Variants in PRAG1 observed in about 807,000 individuals in gnomAD.
PRAG1 encodes the protein PEAK1 related, kinase-activating pseudokinase 1.
Under a neutral mutation model 95.6 loss-of-function variants are expected in PRAG1, and 110 were observed. That is an observed-to-expected ratio of 1.15 (90% CI 0.99 to 1.35). The LOEUF (loss-of-function observed/expected upper bound fraction) is 1.35, where lower values mean the gene tolerates loss of function less well. Ranked by LOEUF, PRAG1 falls within the 40% of genes most tolerant of loss-of-function variation. The pLI is 0.00. For missense variants in PRAG1, 2,554 were observed against 1,864.7 expected (o/e 1.37, Z -6.81); for synonymous variants, 1,052 against 819.4 (o/e 1.28, Z -4.85).
rs2921005 is a variant in PRAG1, at chr8:8,376,597, G to A, written c.1812C>T (p.Val604=). ...GACACCTGGATGGGTCACTGATAGC[G>A]ACACCGTTGGTCCGGCAGGAAGGAG... is the stretch of plus-strand genomic sequence containing the variant. The part of the protein sequence containing the change: ...DPAPSCRTNG[V]AISDPSRCPQ... Residue 604 remains valine (V), a synonymous_variant, in exon 3 of 6, where the codon GTC becomes GTT. Coordinates refer to ENST00000615670, the MANE Select transcript of PRAG1 (RefSeq NM_001080826.3). 0.066 allele frequency: 106,382 copies of A among 1,604,072 alleles called. 4,459 individuals are homozygous for A. Among genetic ancestry groups the A allele is most frequent in the South Asian group, 0.17 (15,299 of 89,730 alleles).
Position 8,377,662 on chromosome 8 carries a change from C to A in PRAG1, c.747G>T (p.Glu249Asp). Reference protein sequence around the residue: ...DQRCSPSGDSEGGEYCSILDC... With the variant: ...DQRCSPSGDSDGGEYCSILDC... The stretch of plus-strand genomic sequence containing the variant: ...CCAGGATGGAGCAGTACTCTCCACC[C>A]TCGCTGTCCCCGGAGGGCGAGCACC... Residue 249 changes from glutamate (E) to aspartate (D), a missense_variant, in exon 3 of 6, where the codon GAG becomes GAT. Glu to Asp is a conservative substitution (Grantham distance 45). Coordinates refer to ENST00000615670, the MANE Select transcript of PRAG1 (RefSeq NM_001080826.3). The A allele has an allele frequency of 1.2e-6, 2 of 1,613,834 alleles. No homozygotes were observed. The highest frequency in any genetic ancestry group is 1.7e-6 in the Non-Finnish European group (2 of 1,180,004).
At chr8:8,373,505 A>G (rs1463050356) in intron 3 of PRAG1, among the ~76,000 whole-genome samples, 2 of 145,782 alleles carry the variant, frequency 1.4e-5, no homozygotes, top group Non-Finnish European at 3.0e-5. Context: ...GCAGGAGTAC[A>G]GTGGCACAAT....
chr8:8,346,037 G>T (rs1213918874), intron 3 of PRAG1, among the ~76,000 whole-genome samples: 1 of 152,180 alleles, frequency 6.6e-6, no homozygotes, highest in Non-Finnish European at 1.5e-5. Context: ...AGAATCCCTG[G>T]AAAAGGCTTA....
At chr8:8,363,845 A>T (rs1585260952) in intron 3 of PRAG1, among the ~76,000 whole-genome samples, 1 of 152,330 alleles carries the variant, frequency 6.6e-6, no homozygotes, top group African/African-American at 2.4e-5. Context: ...TATATTAAGT[A>T]TATTGTGCTA....
intron 3 of PRAG1, among the ~76,000 whole-genome samples, chr8:8,363,986 C>A (rs946420583): frequency 1.3e-5 from 2 of 152,124 alleles, no homozygotes; most frequent in Admixed American, 1.3e-4. Flanking sequence ...ATTTTACTTA[C>A]CTATTTCTCT....
intron 3 of PRAG1, among the ~76,000 whole-genome samples, chr8:8,351,399 G>A (rs1799517696): frequency 1.3e-5 from 2 of 152,104 alleles, no homozygotes; most frequent in Admixed American, 6.6e-5. Context: ...GATTTAGGTG[G>A]GGACACAGAT....
Position 8,327,883 on chromosome 8 carries a change from C to G in PRAG1, c.2899G>C (p.Val967Leu), listed in dbSNP as rs1056541937. Residue 967 changes from valine (V) to leucine (L), a missense_variant, in exon 5 of 6, where the codon GTA becomes CTA. Physicochemically the swap from Val to Leu is conservative, Grantham distance 32. Transcript: ENST00000615670. ...ATGAAGAGGTCCTCACATTTGGCTA[C>G]AAGGCGGGCCAGGGACTGGGTGTAG... ...GLYTQSLARLVAKCEDLFMGG... is the reference protein window; with the variant it reads ...GLYTQSLARLLAKCEDLFMGG... The G allele has an allele frequency of 6.2e-7, 1 of 1,614,230 alleles. No individual in the cohort carries two copies. The highest frequency in any genetic ancestry group is 1.7e-5 in the Admixed American group (1 of 60,030).
rs1461025396 is a variant in PRAG1 at position 8,327,916 on chromosome 8, C to A, written c.2866G>T (p.Gly956Trp). 2 of 1,613,918 alleles carry A rather than the reference C, an allele frequency of 1.2e-6. No homozygotes were observed. The highest frequency in any genetic ancestry group is 1.7e-6 in the Non-Finnish European group (2 of 1,179,910). The stretch of plus-strand genomic sequence containing the variant: ...GCCAGGGACTGGGTGTAGAGTCCCC[C>A]CAGCTTGGCATAGGTGCCCTCCTTG... ...SSKEGTYAKL[G>W]GLYTQSLARL... The change falls in exon 5 of 6, where the codon GGG becomes TGG. Residue 956 changes from glycine to tryptophan, a missense_variant. Coordinates refer to ENST00000615670, the MANE Select transcript of PRAG1 (RefSeq NM_001080826.3).
chr8:8,342,475 A>G lies in PRAG1; in HGVS notation c.2163-2840T>C, dbSNP rs181183928. On this transcript the variant is annotated intron_variant, in intron 3 of 5. Transcript: ENST00000615670. ...CCTCCCAAAGTACTGGGATTACAGG[A>G]GTGAGCCACCGCGCCCGGCCTTATC... 3.1e-3 allele frequency among the ~76,000 whole-genome samples: 478 copies of G among 152,164 alleles called. 2 individuals carry two copies. Among genetic ancestry groups the G allele is most frequent in the Non-Finnish European group, 5.3e-3 (361 of 67,998 alleles).
chr8:8,318,103 G>C lies in PRAG1; in HGVS notation c.*51C>G, dbSNP rs375814682. 1.6e-5 allele frequency: 24 copies of C among 1,539,940 alleles called. No individual in the cohort carries two copies. Among genetic ancestry groups the C allele is most frequent in the Middle Eastern group, 2.0e-4 (1 of 4,910 alleles). ...ACATGGGTGCTTCCAAGGCGAGACA[G>C]GAAAGGGTTAGGCAGGGAAGGGGCA... is the stretch of plus-strand genomic sequence containing the variant. On this transcript the variant is annotated 3_prime_UTR_variant, in exon 6 of 6. Transcript: ENST00000615670. This position sits in a 1 kb window ranked among gnomAD's most constrained non-coding sequence, Gnocchi z 4.2.
rs761697039 is a variant in PRAG1, at chr8:8,376,532, G to A, written c.1877C>T (p.Pro626Leu). The A allele has an allele frequency of 3.7e-6, 6 of 1,609,868 alleles. No individual in the cohort carries two copies. Among genetic ancestry groups the A allele is most frequent in the Non-Finnish European group, 5.1e-6 (6 of 1,177,148 alleles). ...ACTCCAGGTGCCTGCCTGGAACCTG[G>A]GCCGCCTCTGTTCCGAGGCTGACGA... ...AASSASEQRR[P>L]RFQAGTWSRQ... The change falls in exon 3 of 6, where the codon CCC becomes CTC. Residue 626 changes from proline to leucine, a missense_variant. Physicochemically the swap from Pro to Leu is moderately conservative, Grantham distance 98. Coordinates refer to ENST00000615670, the MANE Select transcript of PRAG1 (RefSeq NM_001080826.3).
rs936766672 is a variant in PRAG1, at chr8:8,381,828, C to T, written c.-81G>A. 2.2e-5 allele frequency: 26 copies of T among 1,192,002 alleles called. No homozygotes were observed. Among genetic ancestry groups the T allele is most frequent in the African/African-American group, 3.1e-5 (2 of 64,638 alleles). 73.8% of individuals were successfully genotyped at this position (1,192,002 alleles called of 1,614,324 possible). ...TGGGATTCAGAGGTGGGTCACAGAG[C>T]GGCTTCCTAGAAAGGCAGGACAGTT... On this transcript the variant is annotated 5_prime_UTR_variant, in exon 2 of 6. Coordinates refer to ENST00000615670, the MANE Select transcript of PRAG1 (RefSeq NM_001080826.3).
intron 3 of PRAG1, among the ~76,000 whole-genome samples, chr8:8,363,054 T>C (rs560667088): frequency 1.3e-5 from 2 of 148,322 alleles, no homozygotes; most frequent in African/African-American, 4.9e-5. Context: ...GATATATATA[T>C]ATAGATATAG....
At chr8:8,367,276 T>C (rs1002604378) in intron 3 of PRAG1, among the ~76,000 whole-genome samples, 5 of 151,612 alleles carry the variant, frequency 3.3e-5, no homozygotes, top group Non-Finnish European at 7.4e-5. Flanking sequence ...CTGGCCAACA[T>C]GGTGAACCCC....
At chr8:8,339,457 C>A in intron 4 of PRAG1, 21 bp downstream of exon 4, 1 of 1,612,160 alleles carries the variant, frequency 6.2e-7, no homozygotes, top group Non-Finnish European at 8.5e-7. Flanking sequence ...TAAGCCTCTC[C>A]GTCAATGTCA....
intron 1 of PRAG1, among the ~76,000 whole-genome samples, chr8:8,384,422 T>C (rs1007436711): frequency 3.9e-5 from 6 of 151,962 alleles, no homozygotes; most frequent in African/African-American, 1.5e-4. Flanking sequence ...AATCCTTGGA[T>C]GTTTAGAGAG....
At position 8,327,998 on chromosome 8, in the gene PRAG1, T is replaced by C. The variant is rs557469453; in HGVS notation, c.2784A>G (p.Gln928=). 6.9e-6 allele frequency: 11 copies of C among 1,592,696 alleles called. No individual in the cohort carries two copies. The African/African-American group carries it at 1.2e-4, about 17-fold the overall frequency. The part of the protein sequence containing the change: ...ASSSQLSVSS[Q]ASTGSTQLQL... ...GAAGCTGGGTGCTCCCGGTGGAGGC[T>C]TGACTGGACACGCTCAGCTGGGAGG... is the stretch of plus-strand genomic sequence containing the variant. The change falls in exon 5 of 6, where the codon CAA becomes CAG. Residue 928 remains glutamine, a synonymous_variant. Coordinates refer to ENST00000615670, the MANE Select transcript of PRAG1 (RefSeq NM_001080826.3).
In PRAG1 at chr8:8,376,315, G is replaced by C. The variant is rs969717497; in HGVS notation, c.2094C>G (p.Ala698=). 1.2e-6 allele frequency: 2 copies of C among 1,614,080 alleles called. No homozygotes were observed. Among genetic ancestry groups the C allele is most frequent in the Middle Eastern group, 1.6e-4 (1 of 6,068 alleles). ...GTGMSKSASF[A]FEFPKDRSGI... Reference sequence around the variant, plus strand: ...CACTTCTGTCCTTGGGGAACTCAAAGGCAAAAGAGGCGGATTTGCTCATCC... The same window carrying C: ...CACTTCTGTCCTTGGGGAACTCAAACGCAAAAGAGGCGGATTTGCTCATCC... The change falls in exon 3 of 6, where the codon GCC becomes GCG. Residue 698 remains alanine, a synonymous_variant. Transcript: ENST00000615670.
Position 8,377,147 on chromosome 8 carries a change from T to G in PRAG1, c.1262A>C (p.Lys421Thr). The G allele has an allele frequency of 1.9e-6, 3 of 1,612,332 alleles. No homozygotes were observed. The highest frequency in any genetic ancestry group is 2.5e-6 in the Non-Finnish European group (3 of 1,180,000). Residue 421 changes from lysine (K) to threonine (T), a missense_variant, in exon 3 of 6, where the codon AAG becomes ACG. By Grantham distance (78) the Lys-to-Thr change is moderately conservative (BLOSUM62 -1). Transcript: ENST00000615670. The part of the protein sequence containing the change: ...PIYAESTKRK[K>T]AAPVPSKSQA... ...TGACTTGGAAGGCACCGGAGCTGCC[T>G]TCTTCCTCTTGGTGCTCTCAGCATA...
Sources: allele counts gnomAD v4.1 joint callset (sites outside exome capture counted in the v4.1 genomes callset), GRCh38; gene constraint gnomAD v4.1.1; non-coding constraint Gnocchi (gnomAD v3.1); transcripts MANE v1.5; gene names NCBI Gene and HGNC (gene_info 2026-07-23, HGNC 2026-07-21).